Variants in PCDH11X observed in about 807,000 individuals in gnomAD.
PCDH11X encodes protocadherin 11 X-linked.
Under a neutral mutation model 53.3 loss-of-function variants are expected in PCDH11X, and 18 were observed. The ratio of observed to expected loss-of-function variants is 0.34; its 90% CI spans 0.23 to 0.50. PCDH11X has a LOEUF of 0.50. Ranked by LOEUF, PCDH11X falls within the 20% of genes least tolerant of loss-of-function variation. The pLI is 0.98. For missense variants in PCDH11X, 570 were observed against 1,032.4 expected (o/e 0.55, Z 6.14); for synonymous variants, 279 against 393.3 (o/e 0.71, Z 3.44).
In PCDH11X at chrX:92,300,201, G is replaced by A. The variant is rs184506643; in HGVS notation, c.3144+37058G>A. Among the ~76,000 whole-genome samples the A allele has an allele frequency of 6.7e-3, 745 of 111,057 alleles. 6 individuals carry two copies. The highest frequency in any genetic ancestry group is 9.2e-3 in the Non-Finnish European group (487 of 53,055). On this transcript the variant is annotated intron_variant, in intron 8 of 10. Transcript: ENST00000682573. ...GTGTGATTTTTTAAAATTTGCTGAG[G>A]AATGTTTTATGTCTGATCGTGTTGT...
intron 8 of PCDH11X, among the ~76,000 whole-genome samples, chrX:92,276,861 G>A (rs1159077022): frequency 5.4e-5 from 6 of 111,368 alleles, no homozygotes; most frequent in Non-Finnish European, 1.9e-5. Context: ...GAACTGGGCT[G>A]GATTTTTATA....
chrX:92,416,932 T>C (rs1380114728), intron 9 of PCDH11X, among the ~76,000 whole-genome samples: 1 of 111,598 alleles, frequency 9.0e-6, no homozygotes, highest in African/African-American at 3.2e-5. Context: ...TGGCATTTTT[T>C]TTTAGTTTAA....
At chrX:92,251,001 G>A (rs2067451098) in intron 7 of PCDH11X, among the ~76,000 whole-genome samples, 1 of 111,040 alleles carries the variant, frequency 9.0e-6, no homozygotes, top group African/African-American at 3.3e-5. Flanking sequence ...TGTACGGTAT[G>A]TAAATTGTAT....
At chrX:92,367,687 C>T (rs2148547603) in intron 8 of PCDH11X, among the ~76,000 whole-genome samples, 1 of 111,551 alleles carries the variant, frequency 9.0e-6, no homozygotes, top group East Asian at 2.8e-4. Context: ...GTAAGGCAGG[C>T]CTGGTGGTGA....
chrX:92,305,119 A>G (rs2068798211), intron 8 of PCDH11X, among the ~76,000 whole-genome samples: 1 of 111,445 alleles, frequency 9.0e-6, no homozygotes, highest in Non-Finnish European at 1.9e-5. Flanking sequence ...ACTTAGCACC[A>G]GATTATGTCA....
intron 10 of PCDH11X, among the ~76,000 whole-genome samples, chrX:92,491,830 A>G (rs1451544154): frequency 1.8e-5 from 2 of 111,069 alleles, no homozygotes; most frequent in Admixed American, 9.6e-5. Context: ...ATCATGCAGT[A>G]TTTTTCTTTC....
intron 10 of PCDH11X, among the ~76,000 whole-genome samples, chrX:92,512,156 A>C (rs1185269994): frequency 1.9e-5 from 2 of 107,745 alleles, no homozygotes; most frequent in Non-Finnish European, 3.8e-5. Flanking sequence ...TATGAAGACC[A>C]TACTGTCATA....
At chrX:92,242,280 A>G (rs755909437) in intron 7 of PCDH11X, among the ~76,000 whole-genome samples, 20 of 111,077 alleles carry the variant, frequency 1.8e-4, no homozygotes, top group Admixed American at 9.6e-4. Flanking sequence ...GCATGTTGGT[A>G]CACACCTGTA....
chrX:92,568,747 C>CAA (rs375078287), intron 10 of PCDH11X, among the ~76,000 whole-genome samples: 36,410 of 107,690 alleles, frequency 0.34, 4,795 homozygotes, highest in Non-Finnish European at 0.36. Context: ...CACAATTATG[C>CAA]AAAAAAAATT....
At chrX:92,205,287 C>T (rs1477788128) in intron 7 of PCDH11X, among the ~76,000 whole-genome samples, 1 of 111,476 alleles carries the variant, frequency 9.0e-6, no homozygotes, top group Non-Finnish European at 1.9e-5. Context: ...CTGATTCAGT[C>T]TCAAGAAAAT....
Position 92,541,881 on chromosome X carries a change from G to A in PCDH11X, c.3367+73559G>A, listed in dbSNP as rs781024618. On this transcript the variant is annotated intron_variant, in intron 10 of 10. Transcript: ENST00000682573. The stretch of plus-strand genomic sequence containing the variant: ...GGAGAATTGCTTGAACCCAGGCGGC[G>A]GAGGTTGCAGTGAGCCAAGATCGTG... 1.2e-4 allele frequency among the ~76,000 whole-genome samples: 13 copies of A among 110,378 alleles called. No homozygotes were observed. In the South Asian group the frequency reaches 4.3e-3, roughly 37 times the overall value.
chrX:92,434,112 TTATC>T (rs913227300), intron 9 of PCDH11X, among the ~76,000 whole-genome samples: 70 of 111,326 alleles, frequency 6.3e-4, no homozygotes, highest in African/African-American at 1.6e-3. Context: ...AACCTAAATT[TTATC>T]TATCTATCTA....
intron 9 of PCDH11X, among the ~76,000 whole-genome samples, chrX:92,428,679 A>G (rs2072182187): frequency 9.0e-6 from 1 of 110,998 alleles, no homozygotes; most frequent in Non-Finnish European, 1.9e-5. Flanking sequence ...TTCAGTGATC[A>G]TGCTAGTATG....
intron 6 of PCDH11X, among the ~76,000 whole-genome samples, chrX:91,976,925 C>CA (rs967168158): frequency 3.6e-5 from 4 of 110,981 alleles, no homozygotes; most frequent in African/African-American, 1.3e-4. Flanking sequence ...GAAGAAAAGC[C>CA]ATATTAATGC....
chrX:92,269,829 A>G (rs1043251089), intron 8 of PCDH11X, among the ~76,000 whole-genome samples: 2 of 111,664 alleles, frequency 1.8e-5, no homozygotes, highest in African/African-American at 6.5e-5. Flanking sequence ...TTCTCACCAC[A>G]TATTCCTTGC....
Position 92,422,371 on chromosome X carries a change from C to T in PCDH11X, c.3343+34438C>T, listed in dbSNP as rs1280774093. ...TGTATCATTCTTATGCCTTTGCATC[C>T]TCATAGCTTAGCTCCCAGTTATGAG... On this transcript the variant is annotated intron_variant, in intron 9 of 10. Coordinates refer to ENST00000682573, the MANE Select transcript of PCDH11X (RefSeq NM_032968.5). Among the ~76,000 whole-genome samples, 3 of 109,725 alleles carry T rather than the reference C, an allele frequency of 2.7e-5. No individual in the cohort carries two copies. In the East Asian group the frequency reaches 8.6e-4, roughly 31 times the overall value.
At chrX:92,376,096 T>C (rs1221083842) in intron 8 of PCDH11X, among the ~76,000 whole-genome samples, 1 of 111,845 alleles carries the variant, frequency 8.9e-6, no homozygotes, top group African/African-American at 3.3e-5. Flanking sequence ...CTATTAGGTC[T>C]GAGCTCATAT....
intron 6 of PCDH11X, chrX:92,113,406 G>A: frequency 8.3e-7 from 1 of 1,202,649 alleles, no homozygotes; most frequent in Non-Finnish European, 1.1e-6. Flanking sequence ...AGTTTTCCCT[G>A]TTGGTGGGAA....
At chrX:92,507,111 C>CT (rs1233680775) in intron 10 of PCDH11X, among the ~76,000 whole-genome samples, 3 of 110,489 alleles carry the variant, frequency 2.7e-5, no homozygotes, top group Admixed American at 9.7e-5. Context: ...TATCTTCCCT[C>CT]TTTTTTTCTT....
Sources: allele counts gnomAD v4.1 joint callset (sites outside exome capture counted in the v4.1 genomes callset), GRCh38; gene constraint gnomAD v4.1.1; transcripts MANE v1.5; gene names NCBI Gene and HGNC (gene_info 2026-07-23, HGNC 2026-07-21).